Variants in DNAH17 observed in about 807,000 individuals in gnomAD.
The protein encoded by DNAH17 is dynein axonemal heavy chain 17, also known as axonemal beta dynein heavy chain 17.
In DNAH17, 376 loss-of-function variants were observed where a neutral mutation model predicts 485.6. The ratio of observed to expected loss-of-function variants is 0.77; its 90% CI spans 0.71 to 0.84. The LOEUF (loss-of-function observed/expected upper bound fraction) is 0.84. Ranked by LOEUF, DNAH17 falls within the 40% of genes least tolerant of loss-of-function variation. The pLI, the probability that DNAH17 is intolerant of heterozygous loss-of-function variation, is 0.00. For synonymous variants in DNAH17, 3,031 were observed against 2,405.9 expected, an observed-to-expected ratio of 1.26 and a Z score of -7.60; for missense variants, 6,370 against 5,839.3, an observed-to-expected ratio of 1.09 and a Z score of -2.96.
chr17:78,508,902 A>G (rs1461886252), intron 27 of DNAH17, among the ~76,000 whole-genome samples: 1 of 151,278 alleles, frequency 6.6e-6, no homozygotes, highest in African/African-American at 2.4e-5. Context: ...CCTGAGCTCA[A>G]TTCATCCTCC....
At chr17:78,552,672 T>C in intron 15 of DNAH17, 25 bp downstream of exon 15, 1 of 1,561,538 alleles carries the variant, frequency 6.4e-7, no homozygotes, top group South Asian at 1.1e-5. Flanking sequence ...TTTAATCCAA[T>C]GTGGGAGGAA....
At position 78,458,677 on chromosome 17, in the gene DNAH17, G is replaced by A. The variant is rs752352368; in HGVS notation, c.9865C>T (p.Leu3289Phe). ...GTTAGGTTGCTCAGGTTGGCGTTAA[G>A]TTCCTGCAAAACCAAGTTGGAAAGC... ...LSRIKNKIAE[L>F]NANLSNLTSA... is the part of the protein sequence containing the mutation. Residue 3289 changes from leucine to phenylalanine, a missense_variant, in exon 62 of 81, where the codon CTT becomes TTT. By Grantham distance (22) the Leu-to-Phe change is conservative. Transcript: ENST00000389840. 4.3e-6 allele frequency: 7 copies of A among 1,613,808 alleles called. No individual in the cohort carries two copies. The highest frequency in any genetic ancestry group is 5.9e-6 in the Non-Finnish European group (7 of 1,179,792).
chr17:78,561,315 C>T (rs561900560), intron 12 of DNAH17, among the ~76,000 whole-genome samples: 7 of 152,062 alleles, frequency 4.6e-5, no homozygotes, highest in South Asian at 4.2e-4. Flanking sequence ...TCAGCTGCAC[C>T]GGCCTCCCCA....
chr17:78,542,945 T>C (rs1200122538), intron 17 of DNAH17, among the ~76,000 whole-genome samples: 1 of 152,208 alleles, frequency 6.6e-6, no homozygotes, highest in Non-Finnish European at 1.5e-5. Context: ...AGACAAGATT[T>C]GTTGACCTAG....
Position 78,475,756 on chromosome 17 carries a change from A to G in DNAH17, c.8232T>C (p.Tyr2744=), listed in dbSNP as rs759781576. The G allele has an allele frequency of 9.3e-6, 15 of 1,613,872 alleles. No homozygotes were observed. In the South Asian group the frequency reaches 1.2e-4, roughly 13 times the overall value. The change falls in exon 53 of 81, where the codon TAT becomes TAC. Residue 2744 remains tyrosine (Y), a synonymous_variant. Transcript: ENST00000389840. ...HFAQGIGDPK[Y]VPVTDMAPLN... ...GAGGAGCCATGTCGGTTACAGGAAC[A>G]TATTTGGGATCGCCAATCCCTTGAG...
rs1038578630 is a variant in DNAH17, at chr17:78,447,997, C to A, written c.11211+1417G>T. On this transcript the variant is annotated intron_variant, in intron 69 of 80. Coordinates refer to ENST00000389840, the MANE Select transcript of DNAH17 (RefSeq NM_173628.4). ...GACCAGCCTGACCAACATGGAGAAACCCCGTCTCAACTAAAAATACAAAAA... is the reference window on the plus strand; with the variant it reads ...GACCAGCCTGACCAACATGGAGAAAACCCGTCTCAACTAAAAATACAAAAA... 3.3e-5 allele frequency among the ~76,000 whole-genome samples: 5 copies of A among 152,092 alleles called. No homozygotes were observed. In the East Asian group the frequency reaches 9.7e-4, roughly 29 times the overall value.
intron 44 of DNAH17, 60 bp downstream of exon 44, chr17:78,490,639 G>A (rs2089807679): frequency 1.3e-6 from 2 of 1,540,102 alleles, no homozygotes; most frequent in East Asian, 2.4e-5. Flanking sequence ...TCTGAAACAG[G>A]CCAACAAGTT....
At chr17:78,560,612 A>G (rs967287859) in intron 13 of DNAH17, 128 bp downstream of exon 13, 1 of 1,028,162 alleles carries the variant, frequency 9.7e-7, no homozygotes, top group Non-Finnish European at 1.4e-6. Flanking sequence ...GACACACTTA[A>G]GAAGTAAAGC....
chr17:78,481,280 C>T (rs2001804), intron 48 of DNAH17, among the ~76,000 whole-genome samples: 1,658 of 141,824 alleles, frequency 0.012, 10 homozygotes, highest in Admixed American at 0.026. Flanking sequence ...TTTTTTTGTA[C>T]TTTTAGTAGA....
intron 33 of DNAH17, 54 bp downstream of exon 33, chr17:78,502,537 C>A (rs764425743): frequency 1.6e-4 from 241 of 1,526,820 alleles, no homozygotes; most frequent in Non-Finnish European, 2.1e-4. Flanking sequence ...GGCCCATGCA[C>A]CTGCTTTTTA....
intron 11 of DNAH17, among the ~76,000 whole-genome samples, chr17:78,562,236 A>T (rs1598733638): frequency 6.6e-6 from 1 of 152,214 alleles, no homozygotes; most frequent in Admixed American, 6.5e-5. Flanking sequence ...AAGGGCTACA[A>T]GAGTTTTTTC....
Position 78,439,235 on chromosome 17 carries a change from A to T in DNAH17, c.11678-18T>A. The stretch of plus-strand genomic sequence containing the variant: ...TTTTTTTCCTAAAGAAAAGAAAAAC[A>T]GGAAAAAAACACCACGTAATTAAAT... On this transcript the variant is annotated intron_variant, in intron 72 of 80. Coordinates refer to ENST00000389840, the MANE Select transcript of DNAH17 (RefSeq NM_173628.4). 6.3e-7 allele frequency: 1 copy of T among 1,596,110 alleles called. No homozygotes were observed. Among genetic ancestry groups the T allele is most frequent in the Non-Finnish European group, 8.5e-7 (1 of 1,171,442 alleles).
At chr17:78,567,324 C>T (rs2092283814) in intron 9 of DNAH17, among the ~76,000 whole-genome samples, 158 bp from the exon 10 acceptor site, 1 of 151,998 alleles carries the variant, frequency 6.6e-6, no homozygotes, top group Non-Finnish European at 1.5e-5. Context: ...TGTGTCTGTG[C>T]TGTTCTTTAA....
intron 25 of DNAH17, chr17:78,522,858 C>T (rs77480509): frequency 0.19 from 31,001 of 160,310 alleles, 3,380 homozygotes; most frequent in Middle Eastern, 0.26. Context: ...CTTTTTCTTT[C>T]TTTTTTTTTT....
At chr17:78,509,829 A>C (rs1416602568) in intron 27 of DNAH17, among the ~76,000 whole-genome samples, 1 of 152,252 alleles carries the variant, frequency 6.6e-6, no homozygotes, top group Non-Finnish European at 1.5e-5. Flanking sequence ...AAAATGTTCC[A>C]AACTATTGCA....
At chr17:78,457,143 G>T (rs183844564) in intron 62 of DNAH17, among the ~76,000 whole-genome samples, 1 of 152,254 alleles carries the variant, frequency 6.6e-6, no homozygotes, top group African/African-American at 2.4e-5. Context: ...GGCCGAGGCA[G>T]GTGGATCACC....
intron 73 of DNAH17, among the ~76,000 whole-genome samples, 184 bp from the exon 74 acceptor site, chr17:78,438,052 G>A (rs1164598996): frequency 6.6e-6 from 1 of 152,146 alleles, no homozygotes; most frequent in Non-Finnish European, 1.5e-5. Context: ...GGCATGCCAG[G>A]ATGTCTTCGG....
At chr17:78,570,869 AAAAAAAAAAG>A (rs2092343837) in intron 6 of DNAH17, 69 bp downstream of exon 6, 5 of 766,838 alleles carry the variant, frequency 6.5e-6, no homozygotes, top group Admixed American at 7.9e-5. Flanking sequence ...AAAAAAAAAA[AAAAAAAAAAG>A]AAAAAAGAAA....
chr17:78,560,393 C>T (rs1568255624), intron 13 of DNAH17, among the ~76,000 whole-genome samples: 1 of 152,148 alleles, frequency 6.6e-6, no homozygotes, highest in South Asian at 2.1e-4. Context: ...ATAGAACCCA[C>T]ATCCCAGAGC....
Sources: allele counts gnomAD v4.1 joint callset (sites outside exome capture counted in the v4.1 genomes callset), GRCh38; gene constraint gnomAD v4.1.1; transcripts MANE v1.5; gene names NCBI Gene and HGNC (gene_info 2026-07-23, HGNC 2026-07-21).